ADAM12: variants seen among roughly 807,000 people sequenced by gnomAD.
ADAM12 encodes ADAM metallopeptidase domain 12, also known as disintegrin and metalloproteinase domain-containing protein 12.
A neutral mutation model predicts 106.4 loss-of-function variants in ADAM12; 70 were observed. That is an observed-to-expected ratio of 0.66 (90% CI 0.54 to 0.80). The LOEUF (loss-of-function observed/expected upper bound fraction) is 0.80, where lower values mean the gene tolerates loss of function less well. Ranked by LOEUF, ADAM12 falls within the 30% of genes least tolerant of loss-of-function variation. The pLI is 0.00. For synonymous variants in ADAM12, 420 were observed against 433.5 expected, an observed-to-expected ratio of 0.97 and a Z score of 0.39; for missense variants, 1,010 against 1,171.9, an observed-to-expected ratio of 0.86 and a Z score of 2.02.
chr10:126,339,344 C>T lies in ADAM12; in HGVS notation c.89-8835G>A, dbSNP rs900278503. Among the ~76,000 whole-genome samples, 6 of 152,268 alleles carry T rather than the reference C, an allele frequency of 3.9e-5. No individual in the cohort carries two copies. In the East Asian group the frequency reaches 7.7e-4, roughly 20 times the overall value. On this transcript the variant is annotated intron_variant, in intron 1 of 22. Coordinates refer to ENST00000448723, the MANE Select transcript of ADAM12 (RefSeq NM_001288973.2). ...AAGGTTTTTAATCTTCATCTCCCAG[C>T]GAAAAACCAACACGTTTTCAATCAT... is the stretch of plus-strand genomic sequence containing the variant.
At chr10:126,350,214 G>A (rs940949837) in intron 1 of ADAM12, among the ~76,000 whole-genome samples, 4 of 152,142 alleles carry the variant, frequency 2.6e-5, no homozygotes, top group African/African-American at 9.7e-5. Flanking sequence ...CTTTTCCAGT[G>A]TGCCCTAAAG....
At chr10:126,159,834 A>C (rs1590529131) in intron 3 of ADAM12, among the ~76,000 whole-genome samples, 1 of 152,238 alleles carries the variant, frequency 6.6e-6, no homozygotes, top group Non-Finnish European at 1.5e-5. Context: ...ACTGCTCCTC[A>C]TCATCATCCA....
intron 14 of ADAM12, among the ~76,000 whole-genome samples, chr10:126,051,520 T>TCCAG (rs1296821421): frequency 8.7e-5 from 12 of 138,606 alleles, no homozygotes; most frequent in Admixed American, 2.9e-4. Context: ...CATCCATCCA[T>TCCAG]CCAGCCAGCC....
intron 6 of ADAM12, among the ~76,000 whole-genome samples, chr10:126,114,172 G>C (rs1955937507): frequency 6.6e-6 from 1 of 152,228 alleles, no homozygotes; most frequent in East Asian, 1.9e-4. Context: ...ATCCACACAG[G>C]ATACAGCCTC....
intron 1 of ADAM12, among the ~76,000 whole-genome samples, chr10:126,362,556 T>C (rs556614780): frequency 6.6e-6 from 1 of 152,222 alleles, no homozygotes; most frequent in African/African-American, 2.4e-5. Context: ...CCCAAGCATC[T>C]GTCAACAGAT....
chr10:126,248,926 G>A (rs1188504561), intron 3 of ADAM12, among the ~76,000 whole-genome samples: 2 of 152,046 alleles, frequency 1.3e-5, no homozygotes, highest in South Asian at 2.1e-4. Context: ...GGCTGGTCTC[G>A]AACTCCTGAC....
At position 126,274,135 on chromosome 10, in the gene ADAM12, G is replaced by A. The variant is rs142770144; in HGVS notation, c.260+4780C>T. Among the ~76,000 whole-genome samples the A allele has an allele frequency of 6.7e-3, 1,025 of 152,258 alleles. 13 individuals carry two copies. The highest frequency in any genetic ancestry group is 0.024 in the African/African-American group (983 of 41,544). ...TCCACTCATTTGAGGAGTGCTCATC[G>A]ATGCCTATGATGAGCCACGCTGTCC... On this transcript the variant is annotated intron_variant, in intron 3 of 22. Coordinates refer to ENST00000448723, the MANE Select transcript of ADAM12 (RefSeq NM_001288973.2).
intron 3 of ADAM12, among the ~76,000 whole-genome samples, chr10:126,262,786 A>C (rs921080503): frequency 6.6e-6 from 1 of 152,174 alleles, no homozygotes; most frequent in African/African-American, 2.4e-5. Context: ...AGTATCATGA[A>C]GGCATCTAGC....
intron 14 of ADAM12, among the ~76,000 whole-genome samples, chr10:126,061,029 G>A (rs1278274): frequency 0.71 from 107,860 of 152,186 alleles, 39,971 homozygotes; most frequent in African/African-American, 0.92. Context: ...AGCTGTTGCT[G>A]TTCTGTATAC....
intron 3 of ADAM12, 99 bp from the exon 4 acceptor site, chr10:126,155,404 CTT>C (rs5788768): frequency 2.9e-3 from 2,331 of 795,694 alleles, no homozygotes; most frequent in East Asian, 4.0e-3. Context: ...TTGTGACCTC[CTT>C]TTTTTTTTTT....
chr10:126,339,699 C>T (rs1379424337), intron 1 of ADAM12, among the ~76,000 whole-genome samples: 5 of 152,044 alleles, frequency 3.3e-5, no homozygotes, highest in African/African-American at 1.2e-4. Flanking sequence ...AACAGCCAGG[C>T]AGTCAGTATG....
chr10:126,231,500 A>C (rs1029662417), intron 3 of ADAM12, among the ~76,000 whole-genome samples: 6 of 151,986 alleles, frequency 3.9e-5, no homozygotes, highest in Non-Finnish European at 7.4e-5. Flanking sequence ...CTACTGCGCC[A>C]TCTATAGCAA....
chr10:126,277,060 T>C (rs1176577019), intron 3 of ADAM12, among the ~76,000 whole-genome samples: 1 of 152,160 alleles, frequency 6.6e-6, no homozygotes, highest in Non-Finnish European at 1.5e-5. Flanking sequence ...TAAAATTGCA[T>C]ACAGACTGTG....
intron 1 of ADAM12, among the ~76,000 whole-genome samples, chr10:126,340,474 C>A (rs1200239215): frequency 6.6e-6 from 1 of 152,086 alleles, no homozygotes. Context: ...TGCCCAGGAT[C>A]ACACAAATCA....
chr10:126,098,826 G>A (rs1234030936), intron 9 of ADAM12, among the ~76,000 whole-genome samples: 1 of 152,160 alleles, frequency 6.6e-6, no homozygotes, highest in Non-Finnish European at 1.5e-5. Context: ...TGATGGAAAG[G>A]CTGAAAATAG....
rs973553905 is a variant in ADAM12, at chr10:126,071,543, G to A, written c.1257C>T (p.Phe419=). The A allele has an allele frequency of 2.5e-5, 41 of 1,613,974 alleles. No homozygotes were observed. The highest frequency in any genetic ancestry group is 1.6e-4 in the Middle Eastern group (1 of 6,084). The change falls in exon 12 of 23, where the codon TTC becomes TTT. Residue 419 remains phenylalanine, a synonymous_variant. Coordinates refer to ENST00000448723, the MANE Select transcript of ADAM12 (RefSeq NM_001288973.2). ...LFNLPEVRES[F]GGQKCGNRFV... ...ATCTGTTCCCACACTTCTGGCCCCC[G>A]AAAGACTCCCTGACTTCCGGCAGGT...
At chr10:126,051,539 AT>A (rs879704804) in intron 14 of ADAM12, among the ~76,000 whole-genome samples, 14,467 of 76,092 alleles carry the variant, frequency 0.19, 954 homozygotes, top group East Asian at 0.34. Flanking sequence ...CCAGCCACCC[AT>A]CCATCCATCC....
At chr10:126,269,550 C>G (rs1959165207) in intron 3 of ADAM12, among the ~76,000 whole-genome samples, 1 of 152,152 alleles carries the variant, frequency 6.6e-6, no homozygotes, top group Non-Finnish European at 1.5e-5. Context: ...ACGTAACCAT[C>G]CCGGTCGCAC....
chr10:126,102,692 A>G (rs1955689773), intron 8 of ADAM12, among the ~76,000 whole-genome samples: 1 of 152,224 alleles, frequency 6.6e-6, no homozygotes, highest in African/African-American at 2.4e-5. Flanking sequence ...AATTACAGAC[A>G]TTACATTAAT....
Sources: allele counts gnomAD v4.1 joint callset (sites outside exome capture counted in the v4.1 genomes callset), GRCh38; gene constraint gnomAD v4.1.1; transcripts MANE v1.5; gene names NCBI Gene and HGNC (gene_info 2026-07-23, HGNC 2026-07-21).